Variants in PPP4R3B observed in about 807,000 individuals in gnomAD.
PPP4R3B encodes protein phosphatase 4 regulatory subunit 3B.
PPP4R3B carries 52 observed loss-of-function variants against 95.4 expected under a neutral mutation model. The observed-to-expected ratio is 0.54, with a 90% CI of 0.44 to 0.69. PPP4R3B has a LOEUF of 0.69. Ranked by LOEUF, PPP4R3B falls within the 30% of genes least tolerant of loss-of-function variation. The pLI, the probability that PPP4R3B is intolerant of heterozygous loss-of-function variation, is 0.00. For missense variants in PPP4R3B, 1,003 were observed against 1,005.9 expected, an observed-to-expected ratio of 1.00 and a Z score of 0.04; for synonymous variants, 407 against 343.9, an observed-to-expected ratio of 1.18 and a Z score of -2.03.
chr2:55,604,533 A>C (rs2586972), intron 2 of PPP4R3B, among the ~76,000 whole-genome samples: 2 of 147,948 alleles, frequency 1.4e-5, no homozygotes, highest in Admixed American at 6.7e-5. Flanking sequence ...TTTTTTTTTT[A>C]TATATCTGGA....
chr2:55,592,327 G>A (rs1364129695), intron 4 of PPP4R3B, among the ~76,000 whole-genome samples: 1 of 152,088 alleles, frequency 6.6e-6, no homozygotes, highest in African/African-American at 2.4e-5. Flanking sequence ...TGAGGTTTTT[G>A]TCACTCCTAC....
intron 2 of PPP4R3B, among the ~76,000 whole-genome samples, chr2:55,611,178 TTAAGA>T (rs902249994): frequency 1.3e-5 from 2 of 152,014 alleles, no homozygotes; most frequent in Non-Finnish European, 2.9e-5. Flanking sequence ...TTGTTTTTTA[TTAAGA>T]TATGTTGCCC....
intron 15 of PPP4R3B, among the ~76,000 whole-genome samples, chr2:55,560,093 G>A (rs1162561534): frequency 1.3e-5 from 2 of 152,126 alleles, no homozygotes; most frequent in Admixed American, 1.3e-4. Flanking sequence ...CTGCCCACCA[G>A]CATGGATGAC....
intron 7 of PPP4R3B, 96 bp from the exon 8 acceptor site, chr2:55,581,794 T>C: frequency 5.2e-6 from 7 of 1,342,858 alleles, no homozygotes; most frequent in Non-Finnish European, 5.9e-6. Context: ...GTGAGAATTA[T>C]ATAGAGAAAA....
In PPP4R3B at chr2:55,598,593, G is replaced by A. The variant is rs780097769; in HGVS notation, c.744C>T (p.Phe248=). The A allele has an allele frequency of 4.3e-6, 7 of 1,614,162 alleles. No individual in the cohort carries two copies. The highest frequency in any genetic ancestry group is 5.9e-6 in the Non-Finnish European group (7 of 1,180,038). The change falls in exon 4 of 17, where the codon TTC becomes TTT. Residue 248 remains phenylalanine, a synonymous_variant. Coordinates refer to ENST00000616407, the MANE Select transcript of PPP4R3B (RefSeq NM_001122964.3). The part of the protein sequence containing the change: ...HREFLTKTAK[F]KEVIPITDSE... ...AGTCTGTTATTGGTATAACTTCCTT[G>A]AACTTTGCAGTTTTGGTCAAGAATT...
intron 8 of PPP4R3B, among the ~76,000 whole-genome samples, chr2:55,580,463 T>C (rs554506604): frequency 6.6e-6 from 1 of 152,160 alleles, no homozygotes; most frequent in South Asian, 2.1e-4. Flanking sequence ...TGAATCTGTT[T>C]TGGAAGAATA....
intron 13 of PPP4R3B, among the ~76,000 whole-genome samples, chr2:55,566,696 G>T (rs1017438889): frequency 6.6e-6 from 1 of 152,166 alleles, no homozygotes; most frequent in Non-Finnish European, 1.5e-5. Context: ...TGAATTTCTA[G>T]CTTGGACTTT....
At chr2:55,573,975 A>G (rs893536188) in intron 11 of PPP4R3B, among the ~76,000 whole-genome samples, 198 bp from the exon 12 acceptor site, 2 of 135,112 alleles carry the variant, frequency 1.5e-5, no homozygotes, top group Non-Finnish European at 3.0e-5. Flanking sequence ...TGCAGCTTCC[A>G]CCTCCCAGGC....
chr2:55,612,683 A>G (rs369009771), intron 2 of PPP4R3B, among the ~76,000 whole-genome samples: 49 of 152,248 alleles, frequency 3.2e-4, no homozygotes, highest in Admixed American at 8.5e-4. Flanking sequence ...GGTGGCTCAC[A>G]CCTGTAATCC....
In PPP4R3B at chr2:55,594,377, AACAG is replaced by A. The variant is rs148912007; in HGVS notation, c.921+4035_921+4038del. Among the ~76,000 whole-genome samples, 787 of 152,266 alleles carry A rather than the reference AACAG, an allele frequency of 5.2e-3. 18 individuals carry two copies. In the East Asian group the frequency reaches 0.07, roughly 13 times the overall value. ...ATTAAGTAGTAAATGTTATGTAAAT[AACAG>A]ACAGTTCACAGAATCTGGCTATTTC... On this transcript the variant is annotated intron_variant, in intron 4 of 16. Transcript: ENST00000616407.
chr2:55,551,346 A>T (rs1328399096), intron 16 of PPP4R3B, among the ~76,000 whole-genome samples: 1 of 151,930 alleles, frequency 6.6e-6, no homozygotes, highest in Non-Finnish European at 1.5e-5. Flanking sequence ...TCAAAACAAA[A>T]AGAAAAACAA....
intron 15 of PPP4R3B, among the ~76,000 whole-genome samples, chr2:55,562,428 G>GCAAA (rs897820283): frequency 6.6e-6 from 1 of 151,962 alleles, no homozygotes; most frequent in African/African-American, 2.4e-5. Flanking sequence ...ATCTCAAAAA[G>GCAAA]CAAACAAACA....
chr2:55,603,100 G>A (rs534050059), intron 3 of PPP4R3B, among the ~76,000 whole-genome samples: 1 of 152,104 alleles, frequency 6.6e-6, no homozygotes, highest in East Asian at 1.9e-4. Context: ...CTACAGGCAT[G>A]CGCTACCACG....
At chr2:55,591,362 C>T (rs1244825145) in intron 4 of PPP4R3B, 4 of 194,586 alleles carry the variant, frequency 2.1e-5, no homozygotes, top group Non-Finnish European at 3.7e-5. Context: ...AGGCTGGTAT[C>T]GAACTCCTGG....
At chr2:55,553,373 G>A (rs977337180) in intron 16 of PPP4R3B, among the ~76,000 whole-genome samples, 1 of 152,020 alleles carries the variant, frequency 6.6e-6, no homozygotes, top group Admixed American at 6.6e-5. Flanking sequence ...AGTATGGGGG[G>A]AACTACAAAC....
At chr2:55,596,216 T>A (rs1691756591) in intron 4 of PPP4R3B, among the ~76,000 whole-genome samples, 1 of 152,214 alleles carries the variant, frequency 6.6e-6, no homozygotes, top group Non-Finnish European at 1.5e-5. Context: ...TAATTTTACA[T>A]AAACACGCTC....
intron 3 of PPP4R3B, among the ~76,000 whole-genome samples, chr2:55,601,209 C>G (rs566475345): frequency 2.1e-4 from 32 of 150,086 alleles, no homozygotes; most frequent in African/African-American, 7.3e-4. Flanking sequence ...GACATTGTCT[C>G]TTAGCTCAGT....
At chr2:55,607,960 G>A (rs1330274269) in intron 2 of PPP4R3B, among the ~76,000 whole-genome samples, 2 of 152,156 alleles carry the variant, frequency 1.3e-5, no homozygotes, top group Admixed American at 6.5e-5. Context: ...GGTAAACAAC[G>A]AAATCTGAAT....
rs397871165 is a variant in PPP4R3B, at chr2:55,601,141, C to CA, written c.298-2103dup. On this transcript the variant is annotated intron_variant, in intron 3 of 16. Transcript: ENST00000616407. ...GCCTGGGGAGAGCCAGACCATGTCT[C>CA]AAAAAAAAAAAAAAAAAAAAAGCAG... Among the ~76,000 whole-genome samples, 109 of 99,100 alleles carry CA rather than the reference C, an allele frequency of 1.1e-3. 2 individuals are homozygous for CA. Among genetic ancestry groups the CA allele is most frequent in the East Asian group, 7.2e-3 (24 of 3,316 alleles). The allele number at this position is 99,100 out of a possible 152,430, so 65.0% of individuals were successfully genotyped here. A position where few individuals can be genotyped will look rare whatever the true frequency, so the allele number is the denominator to read the frequency against.
Sources: allele counts gnomAD v4.1 joint callset (sites outside exome capture counted in the v4.1 genomes callset), GRCh38; gene constraint gnomAD v4.1.1; transcripts MANE v1.5; gene names NCBI Gene and HGNC (gene_info 2026-07-23, HGNC 2026-07-21).